The following ZPBP variants were observed in gnomAD, a reference collection of about 807,000 sequenced individuals.
ZPBP encodes zona pellucida binding protein, also known as zona pellucida-binding protein 1.
In ZPBP, 26 loss-of-function variants were observed where a neutral mutation model predicts 44.8. That is an observed-to-expected ratio of 0.58 (90% CI 0.43 to 0.81). The LOEUF is 0.81. ZPBP is among the 30% of genes least tolerant of loss of function. The probability of loss-of-function intolerance (pLI) is 0.00; values close to 1 mark genes in which losing one functional copy is unlikely to be tolerated. For synonymous variants in ZPBP, 174 were observed against 153.2 expected (o/e 1.14, Z -1.00); for missense variants, 409 against 434.0 (o/e 0.94, Z 0.51).
intron 6 of ZPBP, among the ~76,000 whole-genome samples, chr7:49,986,413 G>C (rs1797282742): frequency 6.6e-6 from 1 of 152,150 alleles, no homozygotes; most frequent in Admixed American, 6.5e-5. Flanking sequence ...TCCCAGCTGG[G>C]GCTGGGGCCC....
intron 6 of ZPBP, among the ~76,000 whole-genome samples, chr7:50,000,825 G>A (rs980853270): frequency 1.3e-5 from 2 of 152,076 alleles, no homozygotes; most frequent in Non-Finnish European, 2.9e-5. Context: ...TTCATATGTT[G>A]AAGCCCTAAC....
intron 7 of ZPBP, among the ~76,000 whole-genome samples, chr7:49,950,221 G>T (rs1174217211): frequency 2.0e-5 from 3 of 151,694 alleles, no homozygotes; most frequent in Non-Finnish European, 4.4e-5. Flanking sequence ...TCACACATGT[G>T]GTCTACAATA....
chr7:49,882,612 A>G (rs558392648), intron 2 of ZPBP, among the ~76,000 whole-genome samples: 1 of 152,104 alleles, frequency 6.6e-6, no homozygotes, highest in Admixed American at 6.5e-5. Context: ...GTGAGTACAG[A>G]AAGGAGGCAG....
intron 1 of ZPBP, among the ~76,000 whole-genome samples, chr7:49,902,047 T>G (rs569134331): frequency 4.0e-5 from 6 of 151,846 alleles, no homozygotes; most frequent in Non-Finnish European, 8.8e-5. Context: ...TAAAATAGAT[T>G]ATATACCTAC....
chr7:49,903,972 A>G (rs1172444555), intron 1 of ZPBP, among the ~76,000 whole-genome samples: 5 of 152,150 alleles, frequency 3.3e-5, no homozygotes, highest in African/African-American at 4.8e-5. Flanking sequence ...ATCAGATGTG[A>G]CATTTACATA....
intron 1 of ZPBP, among the ~76,000 whole-genome samples, chr7:49,930,235 C>A (rs1794401457): frequency 6.6e-6 from 1 of 152,196 alleles, no homozygotes; most frequent in African/African-American, 2.4e-5. Flanking sequence ...AGGGGAACCA[C>A]TGAATCAGGG....
intron 4 of ZPBP, among the ~76,000 whole-genome samples, chr7:50,049,369 T>C (rs1217300986): frequency 6.6e-6 from 1 of 151,942 alleles, no homozygotes; most frequent in Non-Finnish European, 1.5e-5. Context: ...GAAAACTATA[T>C]ACCAGTATCT....
At chr7:50,057,860 G>C in intron 4 of ZPBP, 129 bp downstream of exon 4, 6 of 811,420 alleles carry the variant, frequency 7.4e-6, no homozygotes, top group Non-Finnish European at 1.1e-5. Context: ...TACATAGGGA[G>C]GCAGTAATTC....
intron 7 of ZPBP, among the ~76,000 whole-genome samples, chr7:49,953,997 C>T (rs375374523): frequency 6.6e-6 from 1 of 151,532 alleles, no homozygotes. Context: ...ACTAAATAGT[C>T]GAAAAAAATC....
At chr7:49,854,167 A>G (rs1223065339) in intron 2 of ZPBP, among the ~76,000 whole-genome samples, 3 of 152,106 alleles carry the variant, frequency 2.0e-5, no homozygotes, top group Non-Finnish European at 2.9e-5. Context: ...TAGTGCCGCA[A>G]TAAGCATACA....
intron 1 of ZPBP, among the ~76,000 whole-genome samples, chr7:50,091,881 G>A (rs1013893463): frequency 6.6e-6 from 1 of 152,172 alleles, no homozygotes; most frequent in Non-Finnish European, 1.5e-5. Flanking sequence ...AAAGCCAGAG[G>A]ACTTGAGTTT....
chr7:49,842,174 AC>A, the ZPBP span, among the ~76,000 whole-genome samples: 1 of 152,004 alleles, frequency 6.6e-6, no homozygotes, highest in African/African-American at 2.4e-5. Context: ...GGCCAATTCA[AC>A]TCTTTTAAGT....
chr7:49,990,842 CCTAACAAGAAGT>C (rs1245171338), intron 6 of ZPBP, among the ~76,000 whole-genome samples: 2 of 152,092 alleles, frequency 1.3e-5, no homozygotes, highest in African/African-American at 4.8e-5. Flanking sequence ...GTCTAACACA[CCTAACAAGAAGT>C]CTAACAAGAT....
chr7:50,044,073 A>G (rs1386727377), intron 4 of ZPBP, among the ~76,000 whole-genome samples: 1 of 152,214 alleles, frequency 6.6e-6, no homozygotes, highest in Non-Finnish European at 1.5e-5. Flanking sequence ...TACTGGGTAA[A>G]TGACAAAATT....
At chr7:49,966,160 T>G (rs1796050957) in intron 7 of ZPBP, among the ~76,000 whole-genome samples, 1 of 152,070 alleles carries the variant, frequency 6.6e-6, no homozygotes, top group South Asian at 2.1e-4. Flanking sequence ...AACAGACACT[T>G]CCATAATTTT....
intron 1 of ZPBP, among the ~76,000 whole-genome samples, chr7:49,931,999 C>T (rs1300729913): frequency 6.6e-6 from 1 of 152,216 alleles, no homozygotes; most frequent in East Asian, 1.9e-4. Context: ...GGTATTGGGC[C>T]TGTGGGTACA....
chr7:49,885,452 A>G (rs1174283667), intron 2 of ZPBP, among the ~76,000 whole-genome samples: 1 of 151,654 alleles, frequency 6.6e-6, no homozygotes, highest in Non-Finnish European at 1.5e-5. Flanking sequence ...ACTTATTGAT[A>G]CAGATGTAAG....
At chr7:49,904,202 C>G (rs1792952395) in intron 1 of ZPBP, among the ~76,000 whole-genome samples, 1 of 152,136 alleles carries the variant, frequency 6.6e-6, no homozygotes, top group South Asian at 2.1e-4. Context: ...ACAGGCTGCT[C>G]TTTGTTAGAA....
chr7:49,858,177 A>T (rs905170143), intron 2 of ZPBP, among the ~76,000 whole-genome samples: 2 of 152,114 alleles, frequency 1.3e-5, no homozygotes, highest in Non-Finnish European at 2.9e-5. Context: ...TGGCTTTTTA[A>T]TGATTGCCAT....
Sources: gnomAD v4.1 joint callset for allele counts (sites outside exome capture counted in the v4.1 genomes callset) on GRCh38, gnomAD v4.1.1 for gene constraint, MANE v1.5 for transcripts, NCBI Gene and HGNC (gene_info 2026-07-23, HGNC 2026-07-21) for gene names.